PRKAG2: variants seen among roughly 807,000 people sequenced by gnomAD.
The protein encoded by PRKAG2 is protein kinase AMP-activated non-catalytic subunit gamma 2, also known as 5'-AMP-activated protein kinase subunit gamma-2.
PRKAG2 carries 26 observed loss-of-function variants against 69.6 expected under a neutral mutation model. The ratio of observed to expected loss-of-function variants is 0.37; its 90% CI spans 0.27 to 0.52. The LOEUF (loss-of-function observed/expected upper bound fraction) is 0.52. PRKAG2 is among the 20% of genes least tolerant of loss of function. PRKAG2 has a pLI of 0.90. For synonymous variants in PRKAG2, 293 were observed against 285.0 expected, an observed-to-expected ratio of 1.03 and a Z score of -0.28; for missense variants, 557 against 740.0, an observed-to-expected ratio of 0.75 and a Z score of 2.87.
At chr7:151,837,675 T>C (rs1005790591) in intron 1 of PRKAG2, among the ~76,000 whole-genome samples, 2 of 152,194 alleles carry the variant, frequency 1.3e-5, no homozygotes, top group Middle Eastern at 3.4e-3. Context: ...GCGAGGCACT[T>C]TTCTCAGGGG....
chr7:151,757,696 A>G (rs935291603), intron 3 of PRKAG2, among the ~76,000 whole-genome samples: 46 of 152,192 alleles, frequency 3.0e-4, no homozygotes, highest in African/African-American at 8.0e-4. Context: ...ACTCGCCTCA[A>G]AGGCGTTCCA....
At chr7:151,748,766 A>G (rs1471828408) in intron 3 of PRKAG2, among the ~76,000 whole-genome samples, 4 of 152,256 alleles carry the variant, frequency 2.6e-5, no homozygotes, top group Non-Finnish European at 5.9e-5. Context: ...GGCAAAAGCT[A>G]AAATAAAAAT....
At chr7:151,829,150 T>C (rs1270674615) in intron 1 of PRKAG2, among the ~76,000 whole-genome samples, 1 of 152,124 alleles carries the variant, frequency 6.6e-6, no homozygotes, top group Non-Finnish European at 1.5e-5. Context: ...GTATTCACAA[T>C]ACATAAAGAA....
intron 6 of PRKAG2, among the ~76,000 whole-genome samples, chr7:151,579,134 C>G (rs557926326): frequency 1.3e-5 from 2 of 152,306 alleles, no homozygotes; most frequent in African/African-American, 4.8e-5. Context: ...AAGTGATTCT[C>G]CCACCTCAGC....
chr7:151,827,774 A>AAAAAAAC (rs1563733994), intron 1 of PRKAG2, among the ~76,000 whole-genome samples: 5 of 147,520 alleles, frequency 3.4e-5, no homozygotes, highest in South Asian at 2.2e-4. Context: ...AAAAAAAAAA[A>AAAAAAAC]CTGCCTTGCT....
At chr7:151,671,040 G>T (rs1056581221) in intron 4 of PRKAG2, among the ~76,000 whole-genome samples, 3 of 151,986 alleles carry the variant, frequency 2.0e-5, no homozygotes, top group Non-Finnish European at 4.4e-5. Context: ...TGGGTGTGGT[G>T]GTGCATGCCT....
intron 3 of PRKAG2, among the ~76,000 whole-genome samples, chr7:151,727,805 C>T (rs1168860664): frequency 6.6e-6 from 1 of 152,186 alleles, no homozygotes; most frequent in East Asian, 1.9e-4. Context: ...AGGTGCTGTT[C>T]ATTGATGAAC....
chr7:151,819,136 G>A (rs1223641177), intron 1 of PRKAG2, among the ~76,000 whole-genome samples: 1 of 152,156 alleles, frequency 6.6e-6, no homozygotes, highest in East Asian at 1.9e-4. Flanking sequence ...CCGGCCCGCA[G>A]CCCACCCAGC....
chr7:151,663,150 G>A (rs970410851), intron 4 of PRKAG2, among the ~76,000 whole-genome samples: 1 of 152,168 alleles, frequency 6.6e-6, no homozygotes. Flanking sequence ...AGGGAGGGAA[G>A]GGCAAGTTTA....
intron 3 of PRKAG2, among the ~76,000 whole-genome samples, chr7:151,749,711 G>A (rs755252893): frequency 4.6e-5 from 7 of 150,742 alleles, no homozygotes; most frequent in Non-Finnish European, 1.0e-4. Flanking sequence ...AAGAAAAGAT[G>A]CTAAACTTTA....
At chr7:151,681,285 T>C (rs1833854192) in intron 3 of PRKAG2, among the ~76,000 whole-genome samples, 1 of 152,184 alleles carries the variant, frequency 6.6e-6, no homozygotes, top group African/African-American at 2.4e-5. Flanking sequence ...TGATTCTCTA[T>C]CATTGCCATC....
At chr7:151,669,870 TTGCACACACAGTTGCA>T (rs1250299573) in intron 4 of PRKAG2, among the ~76,000 whole-genome samples, 2 of 4,740 alleles carry the variant, frequency 4.2e-4, no homozygotes, top group African/African-American at 1.6e-3. Context: ...GCATACATAC[TTGCACACACAGTTGCA>T]TGCACACACA....
chr7:151,660,841 TTTC>T (rs745810671), intron 4 of PRKAG2, among the ~76,000 whole-genome samples: 3 of 152,254 alleles, frequency 2.0e-5, no homozygotes, highest in Non-Finnish European at 4.4e-5. Flanking sequence ...AAGTTTTAAT[TTTC>T]TTTTTTATGT....
intron 4 of PRKAG2, among the ~76,000 whole-genome samples, chr7:151,647,783 T>C (rs1563338482): frequency 2.0e-5 from 3 of 152,138 alleles, no homozygotes; most frequent in Non-Finnish European, 4.4e-5. Context: ...TTTTTGGCAA[T>C]ATAAAAAAAT....
chr7:151,638,625 T>C lies in PRKAG2; in HGVS notation c.685-6487A>G, dbSNP rs563861956. On this transcript the variant is annotated intron_variant, in intron 4 of 15. Transcript: ENST00000287878. This position sits in a 1 kb window ranked among gnomAD's most constrained non-coding sequence, Gnocchi z 4.3. The stretch of plus-strand genomic sequence containing the variant: ...CTCCAGCTTGGCGACAGAGTGAGAC[T>C]CTGTCTCAAAAAAAAAAGCTAAATT... Among the ~76,000 whole-genome samples the C allele has an allele frequency of 2.0e-5, 3 of 151,694 alleles. No individual in the cohort carries two copies. The South Asian group carries it at 6.2e-4, about 31-fold the overall frequency.
At chr7:151,658,357 T>C (rs1431225968) in intron 4 of PRKAG2, among the ~76,000 whole-genome samples, 1 of 148,420 alleles carries the variant, frequency 6.7e-6, no homozygotes, top group Admixed American at 6.7e-5. Flanking sequence ...TGGTGGCGCG[T>C]GCCCGTAATC....
intron 5 of PRKAG2, among the ~76,000 whole-genome samples, chr7:151,602,674 T>C (rs928829485): frequency 7.2e-5 from 11 of 152,238 alleles, no homozygotes; most frequent in African/African-American, 1.2e-4. Flanking sequence ...ACGTTATTGA[T>C]ATGGTTTGGC....
intron 15 of PRKAG2, chr7:151,558,999 G>C (rs1395293396): frequency 1.0e-6 from 1 of 985,318 alleles, no homozygotes; most frequent in Admixed American, 6.1e-5. Context: ...GGCAGACTGT[G>C]TCCCGTGGTC....
intron 1 of PRKAG2, among the ~76,000 whole-genome samples, chr7:151,870,156 G>GATA (rs1554621410): frequency 0.23 from 27,279 of 117,178 alleles, 3,114 homozygotes; most frequent in Admixed American, 0.29. Flanking sequence ...TAGATAGATA[G>GATA]GCAGGCAGGC....
Sources: gnomAD v4.1 joint callset for allele counts (sites outside exome capture counted in the v4.1 genomes callset) on GRCh38, gnomAD v4.1.1 for gene constraint, Gnocchi (gnomAD v3.1) non-coding constraint, MANE v1.5 for transcripts, NCBI Gene and HGNC (gene_info 2026-07-23, HGNC 2026-07-21) for gene names.